Variants in CDKL3 observed in about 807,000 individuals in gnomAD.
The protein encoded by CDKL3 is cyclin dependent kinase like 3, also known as cyclin-dependent kinase-like 3.
A neutral mutation model predicts 69.3 loss-of-function variants in CDKL3; 65 were observed. The ratio of observed to expected loss-of-function variants is 0.94; its 90% confidence interval spans 0.77 to 1.15. CDKL3 has a LOEUF of 1.15. Ranked by LOEUF, CDKL3 falls within the 50% of genes most tolerant of loss-of-function variation. The pLI, the probability that CDKL3 is intolerant of heterozygous loss-of-function variation, is 0.00. For synonymous variants in CDKL3, 202 were observed against 221.6 expected (o/e 0.91, Z 0.79); for missense variants, 652 against 689.2 (o/e 0.95, Z 0.61).
downstream of CDKL3, among the ~76,000 whole-genome samples, chr5:134,295,124 C>T (rs1472926245): frequency 6.8e-6 from 1 of 146,752 alleles, no homozygotes; most frequent in Non-Finnish European, 1.5e-5. Context: ...AAGCAATTAT[C>T]CTGCCTCAGC....
upstream of CDKL3, among the ~76,000 whole-genome samples, chr5:134,369,912 C>T (rs887197216): frequency 6.6e-6 from 1 of 152,150 alleles, no homozygotes; most frequent in Non-Finnish European, 1.5e-5. Context: ...TGTGTGTCTT[C>T]CTCCTTTGCT....
intron 4 of CDKL3, among the ~76,000 whole-genome samples, chr5:134,325,299 CTAGA>C (rs1170635045): frequency 2.0e-5 from 3 of 152,174 alleles, no homozygotes; most frequent in Admixed American, 1.3e-4. Context: ...GTGTATACTG[CTAGA>C]TAATGACCTA....
intron 4 of CDKL3, among the ~76,000 whole-genome samples, chr5:134,330,696 C>T (rs181459804): frequency 6.6e-6 from 1 of 151,782 alleles, no homozygotes; most frequent in Admixed American, 6.6e-5. Context: ...GTCTGGGTGA[C>T]AGAGCCAGAC....
downstream of CDKL3, among the ~76,000 whole-genome samples, chr5:134,294,943 A>G (rs781772888): frequency 7.2e-5 from 11 of 152,018 alleles, no homozygotes; most frequent in Non-Finnish European, 1.3e-4. Flanking sequence ...ATTGAGGAGG[A>G]AAATTAGAGA....
At chr5:134,371,369 G>C (rs1319299838), upstream of CDKL3, 3 of 642,772 alleles carry the variant, frequency 4.7e-6, no homozygotes, top group Non-Finnish European at 5.3e-6. Flanking sequence ...GCGCTCCCGC[G>C]TCCCGCCCCC....
At position 134,359,982 on chromosome 5, in the gene CDKL3, T is replaced by C. The variant is rs540665500; in HGVS notation, c.275A>G (p.His92Arg). The C allele has an allele frequency of 6.3e-6, 10 of 1,575,020 alleles. No individual in the cohort carries two copies. The highest frequency in any genetic ancestry group is 1.3e-5 in the African/African-American group (1 of 74,384). The change falls in exon 3 of 13, where the codon CAT (histidine) becomes CGT (arginine). Residue 92 changes from histidine to arginine, a missense_variant. By Grantham distance (29) the His-to-Arg change is conservative. Transcript: ENST00000265334. ...IDHTVLDELQ[H>R]YCHGLESKRL... The stretch of plus-strand genomic sequence containing the variant: ...CTTACTCTCTAGTCCATGACAATAA[T>C]GTTGTAACTCATCTAATACTGTGTG...
At chr5:134,370,757 A>T (rs552786948), upstream of CDKL3, among the ~76,000 whole-genome samples, 5 of 152,336 alleles carry the variant, frequency 3.3e-5, no homozygotes, top group Non-Finnish European at 7.4e-5. Flanking sequence ...GGGCCTCAGT[A>T]TTCAAGGCTG....
rs1390655912 is a variant in CDKL3, at chr5:134,360,006, T to C, written c.251A>G (p.His84Arg). The C allele has an allele frequency of 1.5e-5, 23 of 1,562,680 alleles. No homozygotes were observed. The highest frequency in any genetic ancestry group is 1.9e-5 in the Non-Finnish European group (22 of 1,151,176). ...ATGTTGTAACTCATCTAATACTGTG[T>C]GGTCAATAAATTCAAATACCAAATG... ...KIHLVFEFID[H>R]TVLDELQHYC... The change falls in exon 3 of 13, where the codon CAC becomes CGC. Residue 84 changes from histidine to arginine, a missense_variant. Physicochemically the swap from His to Arg is conservative, Grantham distance 29 (BLOSUM62 0). Transcript: ENST00000265334.
At chr5:134,292,720 G>C (rs932179260) in intron 8 of CDKL3, among the ~76,000 whole-genome samples, 2 of 151,878 alleles carry the variant, frequency 1.3e-5, no homozygotes, top group African/African-American at 4.8e-5. Context: ...AAAAGGAAGA[G>C]AGAAAACACA....
At position 134,308,409 on chromosome 5, in the gene CDKL3, C is replaced by T; in HGVS notation, c.1093G>A (p.Gly365Arg). The T allele has an allele frequency of 1.2e-6, 2 of 1,613,432 alleles. No homozygotes were observed. The highest frequency in any genetic ancestry group is 1.7e-6 in the Non-Finnish European group (2 of 1,179,826). ...GGTTCTGAGATATCTCCTCTTCCTC[C>T]TTTGACTTTAATAACTCTGACTTTG... The part of the protein sequence containing the change: ...EIKVRVIKVK[G>R]GRGDISEPKK... The change falls in exon 9 of 13, where the codon GGA (glycine) becomes AGA (arginine). Residue 365 changes from glycine (G) to arginine (R), a missense_variant. Gly to Arg is a moderately radical substitution (Grantham distance 125). Transcript: ENST00000265334.
At chr5:134,358,269 C>G (rs1343644823) in intron 3 of CDKL3, among the ~76,000 whole-genome samples, 5 of 152,128 alleles carry the variant, frequency 3.3e-5, no homozygotes, top group African/African-American at 1.2e-4. Flanking sequence ...AAGTCCCCTG[C>G]TCCGGTCTAC....
intron 12 of CDKL3, chr5:134,299,814 C>G (rs1765883278): frequency 1.9e-5 from 20 of 1,053,898 alleles, no homozygotes; most frequent in Non-Finnish European, 2.6e-5. Context: ...TAAGGAAATA[C>G]AGCCAGAGAT....
rs535189679 is a variant in CDKL3, at chr5:134,350,772, G to A, written c.361-345C>T. On this transcript the variant is annotated intron_variant, in intron 3 of 12. Coordinates refer to ENST00000265334, the MANE Select transcript of CDKL3 (RefSeq NM_001113575.2). ...AGGCAGGAGGATCACTTGAGGCCAGGAGTTTGAGACCAGCCTGGGTAACAG... is the reference window on the plus strand; with the variant it reads ...AGGCAGGAGGATCACTTGAGGCCAGAAGTTTGAGACCAGCCTGGGTAACAG... 2.8e-3 allele frequency among the ~76,000 whole-genome samples: 412 copies of A among 147,444 alleles called. 1 individual carries two copies. The highest frequency in any genetic ancestry group is 5.9e-3 in the Admixed American group (86 of 14,610).
intron 4 of CDKL3, among the ~76,000 whole-genome samples, chr5:134,339,204 C>T (rs904492391): frequency 2.6e-5 from 4 of 152,018 alleles, no homozygotes; most frequent in African/African-American, 4.8e-5. Flanking sequence ...TGGCATTAAA[C>T]GTTAACAGAT....
chr5:134,371,592 G>C (rs758279890), upstream of CDKL3: 1 of 1,612,862 alleles, frequency 6.2e-7, no homozygotes, highest in South Asian at 1.1e-5. Flanking sequence ...GGCAGCTGCG[G>C]AGCATGTCGA....
intron 3 of CDKL3, among the ~76,000 whole-genome samples, chr5:134,351,041 G>T (rs2149602780): frequency 6.6e-6 from 1 of 152,084 alleles, no homozygotes; most frequent in East Asian, 1.9e-4. Flanking sequence ...TTCCTACATT[G>T]CATTAAACTT....
chr5:134,312,270 C>A, intron 7 of CDKL3, 22 bp downstream of exon 7: 1 of 1,416,796 alleles, frequency 7.1e-7, no homozygotes, highest in South Asian at 1.3e-5. Flanking sequence ...TTAAAAAACC[C>A]ACATTCACTC....
rs768908843 is a variant in CDKL3 at position 134,308,614 on chromosome 5, ACTGTTTTT to A, written c.987_994del (p.Arg329SerfsTer9). ...ACTACTTAGCAGTGTATTGGTATAAACTGTTTTTCTTTCATCTTTCCTGAGTTCATTTT... is the reference window on the plus strand; with the variant it reads ...ACTACTTAGCAGTGTATTGGTATAAACTTTCATCTTTCCTGAGTTCATTTT... On this transcript the variant is annotated frameshift_variant, in exon 8 of 13. Coordinates refer to ENST00000265334, the MANE Select transcript of CDKL3 (RefSeq NM_001113575.2). LOFTEE classifies it high-confidence loss of function. 3 of 1,606,072 alleles carry A rather than the reference ACTGTTTTT, an allele frequency of 1.9e-6. No individual in the cohort carries two copies. The East Asian group carries it at 6.7e-5, about 36-fold the overall frequency.
intron 4 of CDKL3, among the ~76,000 whole-genome samples, chr5:134,335,648 C>T (rs1776917892): frequency 1.3e-5 from 2 of 151,948 alleles, no homozygotes; most frequent in South Asian, 2.1e-4. Flanking sequence ...TGAATATTGG[C>T]CCCCACTCTC....
Sources: allele counts gnomAD v4.1 joint callset (sites outside exome capture counted in the v4.1 genomes callset), GRCh38; gene constraint gnomAD v4.1.1; transcripts MANE v1.5; gene names NCBI Gene and HGNC (gene_info 2026-07-23, HGNC 2026-07-21).